FBXO36: variants seen among roughly 807,000 people sequenced by gnomAD.
The protein encoded by FBXO36 is F-box protein 36.
A neutral mutation model predicts 17.0 loss-of-function variants in FBXO36; 18 were observed. The observed-to-expected ratio is 1.06, with a 90% CI of 0.73 to 1.57. FBXO36 has a LOEUF of 1.57. FBXO36 is among the 40% of genes most tolerant of loss of function. FBXO36 has a pLI of 0.00. For synonymous variants in FBXO36, 83 were observed against 85.3 expected, an observed-to-expected ratio of 0.97 and a Z score of 0.15; for missense variants, 229 against 221.9, an observed-to-expected ratio of 1.03 and a Z score of -0.20.
At chr2:229,998,842 G>T (rs1268053134) in intron 3 of FBXO36, among the ~76,000 whole-genome samples, 1 of 140,140 alleles carries the variant, frequency 7.1e-6, no homozygotes, top group African/African-American at 2.7e-5. Context: ...TCTGTCTGTC[G>T]CCCAGGCTGA....
At chr2:229,997,007 G>A in intron 3 of FBXO36, 84 bp downstream of exon 3, 1 of 1,298,030 alleles carries the variant, frequency 7.7e-7, no homozygotes, top group African/African-American at 1.5e-5. Flanking sequence ...CATTTGTTGA[G>A]TACTAACTTT....
chr2:229,926,825 A>T (rs1383460715), intron 1 of FBXO36, among the ~76,000 whole-genome samples: 2 of 152,012 alleles, frequency 1.3e-5, no homozygotes, highest in Non-Finnish European at 2.9e-5. Flanking sequence ...GAAAACCAGT[A>T]GATTAATAAA....
At chr2:229,988,841 T>TTG (rs1553810044) in intron 2 of FBXO36, among the ~76,000 whole-genome samples, 3 of 145,188 alleles carry the variant, frequency 2.1e-5, no homozygotes, top group East Asian at 2.0e-4. Context: ...TTTTTTTTTT[T>TTG]TTGTTTTTTT....
At chr2:229,929,177 G>A (rs571133486) in intron 1 of FBXO36, among the ~76,000 whole-genome samples, 17 of 150,240 alleles carry the variant, frequency 1.1e-4, no homozygotes, top group Admixed American at 2.6e-4. Context: ...CAAGTAATCC[G>A]CCCGCCTCAA....
chr2:229,963,309 C>A lies in FBXO36; in HGVS notation c.97-12932C>A, dbSNP rs544338660. On this transcript the variant is annotated intron_variant, in intron 1 of 3. Coordinates refer to ENST00000283946, the MANE Select transcript of FBXO36 (RefSeq NM_174899.5). ...TAGATTTCCTGACCTCGTGATCCGC[C>A]CACCTCGGCCTCCCAAAGTGCTGGG... Among the ~76,000 whole-genome samples the A allele has an allele frequency of 9.2e-4, 140 of 152,138 alleles. 1 individual carries two copies. The highest frequency in any genetic ancestry group is 1.8e-3 in the Non-Finnish European group (124 of 67,988).
At chr2:229,968,769 AATTATT>A (rs1182562472) in intron 1 of FBXO36, among the ~76,000 whole-genome samples, 2 of 151,746 alleles carry the variant, frequency 1.3e-5, no homozygotes, top group African/African-American at 2.4e-5. Flanking sequence ...TGCCCGGCCA[AATTATT>A]ATTATTATTA....
chr2:230,002,475 C>T (rs2077365011), intron 3 of FBXO36, among the ~76,000 whole-genome samples: 1 of 152,110 alleles, frequency 6.6e-6, no homozygotes, highest in African/African-American at 2.4e-5. Context: ...CCTCCACCCC[C>T]TGGGCTCAAG....
intron 1 of FBXO36, among the ~76,000 whole-genome samples, chr2:229,932,097 T>G (rs1209001716): frequency 6.6e-6 from 1 of 151,832 alleles, no homozygotes; most frequent in African/African-American, 2.4e-5. Flanking sequence ...AAAGTAGTGT[T>G]TTAGGCTGGG....
At chr2:229,949,661 C>A (rs2077046523) in intron 1 of FBXO36, among the ~76,000 whole-genome samples, 1 of 152,186 alleles carries the variant, frequency 6.6e-6, no homozygotes, top group South Asian at 2.1e-4. Context: ...CATGGTGGCT[C>A]ACACCTGTAA....
In FBXO36 at chr2:230,013,058, T is replaced by C. The variant is rs965206775; in HGVS notation, c.*2174T>C. On this transcript the variant is annotated 3_prime_UTR_variant, in exon 4 of 4. Transcript: ENST00000283946. ...AAAAGAGCCATTAATATGTTAACTA[T>C]TGTTAAATAATAGCTAAAATAATAC... 2.0e-5 allele frequency: 3 copies of C among 151,638 alleles called. No homozygotes were observed. Among genetic ancestry groups the C allele is most frequent in the Non-Finnish European group, 4.4e-5 (3 of 67,864 alleles). 9.4% of individuals were successfully genotyped at this position (151,638 alleles called of 1,614,324 possible). A position where few individuals can be genotyped will look rare whatever the true frequency, so the allele number is the denominator to read the frequency against.
At chr2:229,999,381 C>T (rs183880053) in intron 3 of FBXO36, among the ~76,000 whole-genome samples, 38 of 151,338 alleles carry the variant, frequency 2.5e-4, no homozygotes, top group African/African-American at 7.5e-4. Flanking sequence ...CCCACCTCGG[C>T]CTCCCAAAGT....
intron 1 of FBXO36, among the ~76,000 whole-genome samples, chr2:229,968,665 G>A (rs1318323917): frequency 1.3e-5 from 2 of 152,116 alleles, no homozygotes; most frequent in Admixed American, 6.6e-5. Flanking sequence ...ATGGTATTTC[G>A]CCATGTTGCC....
chr2:229,947,378 G>C (rs537787812), intron 1 of FBXO36, among the ~76,000 whole-genome samples: 1 of 152,294 alleles, frequency 6.6e-6, no homozygotes, highest in African/African-American at 2.4e-5. Flanking sequence ...TACTATAGTT[G>C]GGAAGTACAG....
At chr2:229,982,836 T>C (rs2077247932) in intron 2 of FBXO36, among the ~76,000 whole-genome samples, 1 of 151,576 alleles carries the variant, frequency 6.6e-6, no homozygotes, top group African/African-American at 2.4e-5. Flanking sequence ...CAGTTACTTT[T>C]GCCGTGTGAG....
At chr2:229,970,726 A>T (rs2077176054) in intron 1 of FBXO36, among the ~76,000 whole-genome samples, 1 of 152,200 alleles carries the variant, frequency 6.6e-6, no homozygotes, top group South Asian at 2.1e-4. Context: ...TTTTAGGAGA[A>T]CTTTCGTCTG....
intron 1 of FBXO36, among the ~76,000 whole-genome samples, chr2:229,936,140 G>A (rs2076962671): frequency 6.6e-6 from 1 of 152,092 alleles, no homozygotes; most frequent in African/African-American, 2.4e-5. Flanking sequence ...CCGAGGTCAC[G>A]CACCATTGCA....
chr2:230,007,166 C>T (rs886591783), intron 3 of FBXO36, among the ~76,000 whole-genome samples: 4 of 152,338 alleles, frequency 2.6e-5, no homozygotes, highest in African/African-American at 4.8e-5. Context: ...AGTGGCTTGC[C>T]CCTGATAGCA....
Position 229,976,318 on chromosome 2 carries a change from T to A in FBXO36, c.174T>A (p.His58Gln), listed in dbSNP as rs1341613510. 12 of 1,613,574 alleles carry A rather than the reference T, an allele frequency of 7.4e-6. No individual in the cohort carries two copies. Among genetic ancestry groups the A allele is most frequent in the Non-Finnish European group, 1.0e-5 (12 of 1,179,732 alleles). The part of the protein sequence containing the change: ...STKPGEAKET[H>Q]EDFLENSHLQ... Reference sequence around the variant, plus strand: ...AACCTGGAGAAGCAAAAGAAACCCATGAAGACTTCCTAGAGAATTCACATC... The same window carrying A: ...AACCTGGAGAAGCAAAAGAAACCCAAGAAGACTTCCTAGAGAATTCACATC... Residue 58 changes from histidine (H) to glutamine (Q), a missense_variant, in exon 2 of 4, where the codon CAT (histidine) becomes CAA (glutamine). By Grantham distance (24) the His-to-Gln change is conservative. Transcript: ENST00000283946.
At chr2:229,956,764 G>A (rs1441275413) in intron 1 of FBXO36, among the ~76,000 whole-genome samples, 1 of 152,088 alleles carries the variant, frequency 6.6e-6, no homozygotes, top group Non-Finnish European at 1.5e-5. Context: ...GAGAGAAAAA[G>A]GGACAAGAGA....
Sources: allele counts gnomAD v4.1 joint callset (sites outside exome capture counted in the v4.1 genomes callset), GRCh38; gene constraint gnomAD v4.1.1; transcripts MANE v1.5; gene names NCBI Gene and HGNC (gene_info 2026-07-23, HGNC 2026-07-21).